Variants in IFT46 observed in about 807,000 individuals in gnomAD.
IFT46 encodes the protein intraflagellar transport protein 46 homolog.
Under a neutral mutation model 39.6 loss-of-function variants are expected in IFT46, and 19 were observed. The observed-to-expected ratio is 0.48, with a 90% confidence interval of 0.33 to 0.70. The LOEUF (loss-of-function observed/expected upper bound fraction) is 0.70. Ranked by LOEUF, IFT46 falls within the 30% of genes least tolerant of loss-of-function variation. IFT46 has a pLI of 0.01. For synonymous variants in IFT46, 117 were observed against 134.8 expected (o/e 0.87, Z 0.91); for missense variants, 334 against 364.8 (o/e 0.92, Z 0.69).
intron 2 of IFT46, chr11:118,560,749 T>A (rs1488232076): frequency 1.5e-6 from 1 of 682,786 alleles, no homozygotes; most frequent in Non-Finnish European, 2.6e-6. Flanking sequence ...AAGTGAAATT[T>A]AGAAGACGAC....
intron 3 of IFT46, chr11:118,557,612 A>T: frequency 2.6e-6 from 3 of 1,149,908 alleles, no homozygotes; most frequent in South Asian, 1.4e-5. Context: ...TTGTTCAGTG[A>T]TATTTCTCTT....
Position 118,565,046 on chromosome 11 carries a change from T to A in IFT46, c.-117A>T, listed in dbSNP as rs1938180198. 2.6e-5 allele frequency: 4 copies of A among 152,540 alleles called. No individual in the cohort carries two copies. In the South Asian group the frequency reaches 8.3e-4, roughly 32 times the overall value. 9.4% of individuals were successfully genotyped at this position (152,540 alleles called of 1,614,324 possible). A position where few individuals can be genotyped will look rare whatever the true frequency, so the allele number is the denominator to read the frequency against. ...TCTAGACGCTCATCATATGTCTGGT[T>A]TTCAACAACCTTGGTCTAAGCAAAG... On this transcript the variant is annotated 5_prime_UTR_variant, in exon 2 of 12. Transcript: ENST00000264021.
At chr11:118,570,547 A>C (rs116159478), upstream of IFT46, among the ~76,000 whole-genome samples, 688 of 152,350 alleles carry the variant, frequency 4.5e-3, 2 homozygotes, top group African/African-American at 0.015. Context: ...AATTGTGGAC[A>C]TACAGGTTTA....
chr11:118,565,939 A>T (rs941731534), upstream of IFT46: 11 of 152,336 alleles, frequency 7.2e-5, no homozygotes, highest in Admixed American at 2.0e-4. Context: ...GATAAATTTT[A>T]AAATTCGCGA....
chr11:118,561,167 G>C, intron 2 of IFT46: 1 of 1,428,120 alleles, frequency 7.0e-7, no homozygotes, highest in Non-Finnish European at 9.8e-7. Context: ...TAAAGTTTTT[G>C]GCACCCTGAA....
intron 1 of IFT46, chr11:118,572,435 G>A (rs1180012325): frequency 9.7e-6 from 11 of 1,133,134 alleles, no homozygotes; most frequent in African/African-American, 1.6e-5. Flanking sequence ...AAGCGGCAGC[G>A]GTTCCTGTCA....
intron 8 of IFT46, 40 bp from the exon 9 acceptor site, chr11:118,551,892 T>C: frequency 4.5e-6 from 7 of 1,558,004 alleles, no homozygotes; most frequent in Non-Finnish European, 6.2e-6. Context: ...AAACGTGAAC[T>C]GATAACATCA....
upstream of IFT46, among the ~76,000 whole-genome samples, chr11:118,575,110 C>G (rs1447088569): frequency 2.0e-5 from 3 of 152,144 alleles, no homozygotes; most frequent in Non-Finnish European, 4.4e-5. Flanking sequence ...TCCTGAGTAG[C>G]TGGGACTGCA....
chr11:118,564,777 TG>T lies in IFT46; in HGVS notation c.-36+187del, dbSNP rs1468631525. Among the ~76,000 whole-genome samples the T allele has an allele frequency of 3.3e-5, 5 of 152,298 alleles. No homozygotes were observed. The East Asian group carries it at 9.6e-4, about 29-fold the overall frequency. On this transcript the variant is annotated intron_variant, in intron 2 of 11. Coordinates refer to ENST00000264021, the MANE Select transcript of IFT46 (RefSeq NM_001168618.2). ...GAAGTAAATGGTGACAGGGTTGGAT[TG>T]GGGGAAGATCCTGTAATTTGGAAGG... is the stretch of plus-strand genomic sequence containing the variant.
At chr11:118,552,458 A>G in intron 7 of IFT46, 123 bp from the exon 8 acceptor site, 1 of 1,156,272 alleles carries the variant, frequency 8.6e-7, no homozygotes, top group Non-Finnish European at 1.2e-6. Flanking sequence ...CTGCCACGTG[A>G]AACAGTAGCC....
At chr11:118,545,580 G>T in intron 10 of IFT46, 86 bp from the exon 11 acceptor site, 1 of 1,221,240 alleles carries the variant, frequency 8.2e-7, no homozygotes, top group Non-Finnish European at 1.2e-6. Flanking sequence ...CAAAGCCCTG[G>T]CAGATGGGGT....
In IFT46 at chr11:118,556,982, C is replaced by G. The variant is rs200467196; in HGVS notation, c.109G>C (p.Asp37His). The part of the protein sequence containing the change: ...RGFSENEDDD[D>H]DDDDSSETDS... ...GTTTCAGATGAATCATCATCATCAT[C>G]ATCGTCATCCTCATTTTCACTAAAG... The change falls in exon 4 of 12, where the codon GAT becomes CAT. Residue 37 changes from aspartate to histidine, a missense_variant. Coordinates refer to ENST00000264021, the MANE Select transcript of IFT46 (RefSeq NM_001168618.2). 3 of 1,613,048 alleles carry G rather than the reference C, an allele frequency of 1.9e-6. No individual in the cohort carries two copies. Among genetic ancestry groups the G allele is most frequent in the South Asian group, 1.1e-5 (1 of 90,918 alleles).
At chr11:118,562,871 C>G (rs1396280171) in intron 2 of IFT46, among the ~76,000 whole-genome samples, 8 of 152,092 alleles carry the variant, frequency 5.3e-5, no homozygotes, top group African/African-American at 1.9e-4. Flanking sequence ...CGAGGCCATC[C>G]GGGCCAACAT....
At position 118,555,043 on chromosome 11, in the gene IFT46, G is replaced by C. The variant is rs145438119; in HGVS notation, c.301C>G (p.Pro101Ala). 8.1e-3 allele frequency: 13,101 copies of C among 1,613,680 alleles called. 69 individuals are homozygous for C. The highest frequency in any genetic ancestry group is 9.2e-3 in the Non-Finnish European group (10,854 of 1,179,558). ...GCTGGGATAAAATCAGGAATGAAAGGCTTCAGTTTGTGGTCCAGGTCAATC... is the reference window on the plus strand; with the variant it reads ...GCTGGGATAAAATCAGGAATGAAAGCCTTCAGTTTGTGGTCCAGGTCAATC... ...QLIDLDHKLK[P>A]FIPDFIPAVG... is the part of the protein sequence containing the mutation. Residue 101 changes from proline (P) to alanine (A), a missense_variant, in exon 6 of 12, where the codon CCT (proline) becomes GCT (alanine). Physicochemically the swap from Pro to Ala is conservative, Grantham distance 27. Transcript: ENST00000264021.
chr11:118,567,477 G>GA (rs1938252823), upstream of IFT46, among the ~76,000 whole-genome samples: 1 of 152,110 alleles, frequency 6.6e-6, no homozygotes, highest in Admixed American at 6.5e-5. Context: ...TCAGGAGGCT[G>GA]CGGCAGGAGA....
chr11:118,551,169 C>T (rs782653357), intron 9 of IFT46, among the ~76,000 whole-genome samples: 4 of 151,136 alleles, frequency 2.6e-5, no homozygotes, highest in Admixed American at 1.3e-4. Flanking sequence ...GTCAGGAATT[C>T]GAGACCAGCC....
intron 1 of IFT46, chr11:118,572,317 G>A (rs1343908862): frequency 2.0e-6 from 1 of 510,168 alleles, no homozygotes; most frequent in Non-Finnish European, 3.5e-6. Flanking sequence ...CCGGAGCGGG[G>A]TACCCTCAAT....
intron 2 of IFT46, among the ~76,000 whole-genome samples, chr11:118,564,185 T>A (rs1256290138): frequency 2.0e-5 from 2 of 99,582 alleles, no homozygotes; most frequent in African/African-American, 9.0e-5. Context: ...TGAGACTCTG[T>A]CTCAAAAAAA....
chr11:118,549,279 G>C (rs1285872933), intron 9 of IFT46, among the ~76,000 whole-genome samples: 1 of 151,198 alleles, frequency 6.6e-6, no homozygotes, highest in African/African-American at 2.4e-5. Flanking sequence ...GGCCTCAAGT[G>C]ATCGTCCCAC....
Sources: allele counts gnomAD v4.1 joint callset (sites outside exome capture counted in the v4.1 genomes callset), GRCh38; gene constraint gnomAD v4.1.1; transcripts MANE v1.5; gene names NCBI Gene and HGNC (gene_info 2026-07-23, HGNC 2026-07-21).